Variants in FOXP2 observed in about 807,000 individuals in gnomAD.
The protein encoded by FOXP2 is forkhead box protein P2.
Under a neutral mutation model 115.8 loss-of-function variants are expected in FOXP2, and 12 were observed. That is an observed-to-expected ratio of 0.10 (90% CI 0.07 to 0.17). The LOEUF is 0.17. Ranked by LOEUF, FOXP2 falls within the 10% of genes least tolerant of loss-of-function variation. The pLI, the probability that FOXP2 is intolerant of heterozygous loss-of-function variation, is 1.00. For synonymous variants in FOXP2, 328 were observed against 297.7 expected (o/e 1.10, Z -1.05); for missense variants, 629 against 843.5 (o/e 0.75, Z 3.15).
chr7:114,220,169 G>A (rs1220095231), intron 1 of FOXP2, among the ~76,000 whole-genome samples: 1 of 151,650 alleles, frequency 6.6e-6, no homozygotes, highest in Non-Finnish European at 1.5e-5. Context: ...GCCCTGTGAG[G>A]GTTTTTAAAA....
chr7:114,176,298 T>TTCTTTCTTTC (rs368923204), intron 1 of FOXP2, among the ~76,000 whole-genome samples: 1,671 of 76,482 alleles, frequency 0.022, 14 homozygotes, highest in East Asian at 0.031. Flanking sequence ...CTTTCTTTCT[T>TTCTTTCTTTC]TCTCTCTCTC....
intron 2 of FOXP2, among the ~76,000 whole-genome samples, chr7:114,360,412 C>A (rs1791719779): frequency 6.6e-6 from 1 of 152,036 alleles, no homozygotes; most frequent in African/African-American, 2.4e-5. Context: ...AGATAAAAAA[C>A]AACTAAGAAG....
In FOXP2 at chr7:114,327,907, T is replaced by TTTTTC. The variant is rs535803092; in HGVS notation, c.-11+39815_-11+39819dup. Among the ~76,000 whole-genome samples, 777 of 151,728 alleles carry TTTTTC rather than the reference T, an allele frequency of 5.1e-3. 4 individuals carry two copies. Among genetic ancestry groups the TTTTTC allele is most frequent in the African/African-American group, 0.018 (736 of 41,414 alleles). On this transcript the variant is annotated intron_variant, in intron 2 of 17. Transcript: ENST00000634411. ...TATTTATTTATTTTTATTTACTTAT[T>TTTTTC]TTTTCTTTTCTTTTCTTTTCTATTT...
intron 6 of FOXP2, among the ~76,000 whole-genome samples, chr7:114,635,773 C>T (rs1805183878): frequency 6.6e-6 from 1 of 151,892 alleles, no homozygotes; most frequent in African/African-American, 2.4e-5. Flanking sequence ...TTCTTTACAT[C>T]TTGAGAGGAA....
intron 3 of FOXP2, among the ~76,000 whole-genome samples, chr7:114,594,512 T>G (rs150147393): frequency 1.3e-3 from 196 of 152,192 alleles, no homozygotes; most frequent in African/African-American, 3.8e-3. Flanking sequence ...TTGTCTCACT[T>G]TGGAGCTTTT....
rs370659072 is a variant in FOXP2, at chr7:114,357,976, A to G, written c.-10-68526A>G. Among the ~76,000 whole-genome samples the G allele has an allele frequency of 7.2e-5, 11 of 152,266 alleles. No individual in the cohort carries two copies. The East Asian group carries it at 1.4e-3, about 19-fold the overall frequency. ...TCTTTTTTTGTTGTTTTTGATAAAG[A>G]GTATCAAGAGATGTGATCCTCCTTT... On this transcript the variant is annotated intron_variant, in intron 2 of 17. Coordinates refer to the FOXP2 transcript ENST00000634411.
intron 2 of FOXP2, among the ~76,000 whole-genome samples, chr7:114,349,284 A>C (rs1584656679): frequency 1.3e-5 from 2 of 152,124 alleles, no homozygotes; most frequent in East Asian, 3.9e-4. Flanking sequence ...TGATAGTGGG[A>C]ATGTAAAGGT....
chr7:114,287,539 C>A (rs1266083175), intron 1 of FOXP2, among the ~76,000 whole-genome samples: 4 of 151,892 alleles, frequency 2.6e-5, no homozygotes, highest in Non-Finnish European at 4.4e-5. Flanking sequence ...AAATAATGAT[C>A]CTTACATTGT....
chr7:114,530,151 G>C (rs1489689021), intron 2 of FOXP2, among the ~76,000 whole-genome samples: 1 of 151,568 alleles, frequency 6.6e-6, no homozygotes, highest in Non-Finnish European at 1.5e-5. Context: ...TTCTTGTTTC[G>C]CCTGTTCCAC....
At chr7:114,125,192 G>A (rs1933599788) in intron 1 of FOXP2, among the ~76,000 whole-genome samples, 1 of 151,992 alleles carries the variant, frequency 6.6e-6, no homozygotes, top group Admixed American at 6.6e-5. Flanking sequence ...ATCATCTTAT[G>A]TCTAGCACTA....
At chr7:114,129,693 A>G (rs1012838766) in intron 1 of FOXP2, among the ~76,000 whole-genome samples, 5 of 152,130 alleles carry the variant, frequency 3.3e-5, no homozygotes, top group African/African-American at 9.7e-5. Context: ...GTTTAGCACT[A>G]TGGTGTTGGC....
intron 3 of FOXP2, chr7:114,613,774 A>G (rs562338750): frequency 5.5e-4 from 82 of 150,038 alleles, no homozygotes; most frequent in African/African-American, 1.9e-3. Context: ...CTTTTTTTTT[A>G]AAATGTTTTT....
At chr7:114,130,824 C>A (rs1791854638) in intron 1 of FOXP2, among the ~76,000 whole-genome samples, 1 of 152,150 alleles carries the variant, frequency 6.6e-6, no homozygotes, top group South Asian at 2.1e-4. Context: ...TATTGAATTT[C>A]ATTTTCATTT....
intron 2 of FOXP2, among the ~76,000 whole-genome samples, chr7:114,374,518 A>G (rs1792093701): frequency 6.6e-6 from 1 of 152,164 alleles, no homozygotes; most frequent in African/African-American, 2.4e-5. Flanking sequence ...AAAGTGTGTG[A>G]TAAGGTTTGT....
intron 1 of FOXP2, among the ~76,000 whole-genome samples, chr7:114,144,493 A>G (rs1792310120): frequency 6.6e-6 from 1 of 152,044 alleles, no homozygotes; most frequent in Admixed American, 6.6e-5. Flanking sequence ...TTCAGTTCTT[A>G]ATTCCTAAGT....
chr7:114,431,851 A>G (rs1370933258), intron 2 of FOXP2, among the ~76,000 whole-genome samples: 1 of 151,972 alleles, frequency 6.6e-6, no homozygotes, highest in East Asian at 1.9e-4. Context: ...AATAATACTC[A>G]TGGCAGGTGA....
chr7:114,433,102 G>A (rs1377586885), intron 2 of FOXP2, among the ~76,000 whole-genome samples: 2 of 151,958 alleles, frequency 1.3e-5, no homozygotes, highest in Non-Finnish European at 2.9e-5. Flanking sequence ...GCTTTGTGGT[G>A]TTGTTTAGAA....
chr7:114,377,802 T>C (rs894747267), intron 2 of FOXP2, among the ~76,000 whole-genome samples: 1 of 152,248 alleles, frequency 6.6e-6, no homozygotes, highest in Non-Finnish European at 1.5e-5. Flanking sequence ...TGGATTAAAA[T>C]TGTTTAGTGG....
At chr7:114,519,198 A>G (rs910759781) in intron 2 of FOXP2, among the ~76,000 whole-genome samples, 4 of 152,180 alleles carry the variant, frequency 2.6e-5, no homozygotes, top group African/African-American at 4.8e-5. Flanking sequence ...TAGCAATACC[A>G]TAGAAGCTCA....
Sources: gnomAD v4.1 joint callset for allele counts (sites outside exome capture counted in the v4.1 genomes callset) on GRCh38, gnomAD v4.1.1 for gene constraint, MANE v1.5 for transcripts, NCBI Gene and HGNC (gene_info 2026-07-23, HGNC 2026-07-21) for gene names.